The following BLTP1 variants were observed in gnomAD, a reference collection of about 807,000 sequenced individuals.
BLTP1 encodes fragile site-associated protein.
chr4:122,221,012 A>AT, the BLTP1 span: 10 of 815,740 alleles, frequency 1.2e-5, no homozygotes, highest in African/African-American at 3.7e-5. Context: ...TAATTTTATT[A>AT]TTTTTTTCAT....
the BLTP1 span, chr4:122,211,055 C>T: frequency 5.6e-6 from 9 of 1,605,132 alleles, no homozygotes; most frequent in Non-Finnish European, 7.7e-6. Flanking sequence ...TCTCAGATAA[C>T]TCTCTATGGA....
chr4:122,171,738 C>G, the BLTP1 span: 10 of 833,280 alleles, frequency 1.2e-5, no homozygotes, highest in Non-Finnish European at 1.4e-5. Flanking sequence ...GTGTCTGTTC[C>G]CTTTCCTATC....
chr4:122,276,742 C>CCT, the BLTP1 span: 2 of 944,636 alleles, frequency 2.1e-6, no homozygotes, highest in African/African-American at 3.5e-5. Context: ...CTGCCTCCAC[C>CCT]CTCTGGTGAT....
the BLTP1 span, among the ~76,000 whole-genome samples, chr4:122,299,525 G>A: frequency 6.6e-6 from 1 of 152,156 alleles, no homozygotes; most frequent in Non-Finnish European, 1.5e-5. Flanking sequence ...ACCATCTGCT[G>A]CTGGATCAAA....
At chr4:122,297,866 A>G in the BLTP1 span, 5 of 152,228 alleles carry the variant, frequency 3.3e-5, no homozygotes, top group East Asian at 9.6e-4. Context: ...ATGAGAACAC[A>G]TGAACACAGG....
the BLTP1 span, chr4:122,246,674 G>C: frequency 6.2e-7 from 1 of 1,604,568 alleles, no homozygotes; most frequent in Non-Finnish European, 8.5e-7. Context: ...AATTTTGTGT[G>C]TGTGTTAGGT....
chr4:122,171,132 G>A, the BLTP1 span, among the ~76,000 whole-genome samples: 1 of 152,056 alleles, frequency 6.6e-6, no homozygotes, highest in East Asian at 1.9e-4. Flanking sequence ...TAGTAAAATA[G>A]AATTATATGC....
chr4:122,250,395 G>C, the BLTP1 span: 2 of 1,613,042 alleles, frequency 1.2e-6, no homozygotes, highest in East Asian at 4.5e-5. Context: ...TTATATAACA[G>C]TTTTGGAATT....
the BLTP1 span, among the ~76,000 whole-genome samples, chr4:122,248,539 C>T: frequency 1.3e-5 from 2 of 151,868 alleles, no homozygotes; most frequent in Non-Finnish European, 1.5e-5. Context: ...CTTTTCATTG[C>T]GTACTTTTTC....
chr4:122,293,270 T>C, the BLTP1 span: 1 of 645,702 alleles, frequency 1.5e-6, no homozygotes. Flanking sequence ...AGTCCAGGAC[T>C]CTCACACAGA....
chr4:122,307,610 A>G, the BLTP1 span: 1 of 985,330 alleles, frequency 1.0e-6, no homozygotes, highest in African/African-American at 1.7e-5. Context: ...AGCTCTACAG[A>G]TGAAGTTAAG....
At chr4:122,267,502 A>G in the BLTP1 span, 1 of 238,876 alleles carries the variant, frequency 4.2e-6, no homozygotes, top group Non-Finnish European at 6.8e-6. Flanking sequence ...ACGTTAGCAC[A>G]TAGATGAGGG....
the BLTP1 span, among the ~76,000 whole-genome samples, chr4:122,288,009 A>C: frequency 6.6e-6 from 1 of 152,152 alleles, no homozygotes; most frequent in Non-Finnish European, 1.5e-5. Context: ...GGTGGAACAC[A>C]ATCCCAAATT....
the BLTP1 span, chr4:122,209,013 ATAC>A: frequency 1.4e-5 from 12 of 850,376 alleles, no homozygotes; most frequent in Non-Finnish European, 1.8e-5. Context: ...AAGATAAATA[ATAC>A]AATAAAATAA....
the BLTP1 span, chr4:122,277,010 A>G: frequency 7.1e-6 from 7 of 983,836 alleles, no homozygotes; most frequent in South Asian, 2.8e-4. Flanking sequence ...TTAATATGAA[A>G]TATGTATTTT....
the BLTP1 span, chr4:122,223,954 A>C: frequency 1.0e-6 from 1 of 952,510 alleles, no homozygotes; most frequent in Non-Finnish European, 1.3e-6. Context: ...TACGTTAGAA[A>C]TGTTCCCTTT....
chr4:122,204,708 A>C, the BLTP1 span: 1 of 519,700 alleles, frequency 1.9e-6, no homozygotes, highest in East Asian at 1.5e-4. Flanking sequence ...TGATGAATAT[A>C]TTGTAGAGTT....
chr4:122,261,988 C>A, the BLTP1 span: 2 of 985,304 alleles, frequency 2.0e-6, no homozygotes, highest in Non-Finnish European at 2.4e-6. Context: ...ACATTTCTTG[C>A]TATTAGCAAA....
the BLTP1 span, chr4:122,210,986 T>C: frequency 1.2e-6 from 2 of 1,612,734 alleles, no homozygotes; most frequent in Non-Finnish European, 1.7e-6. Context: ...CGCCCACCTA[T>C]TGATCCCTCA....
Sources: gnomAD v4.1 joint callset for allele counts (sites outside exome capture counted in the v4.1 genomes callset) on GRCh38, gnomAD v4.1.1 for gene constraint, MANE v1.5 for transcripts, NCBI Gene and HGNC (gene_info 2026-07-23, HGNC 2026-07-21) for gene names.